The following REL variants were observed in gnomAD, a reference collection of about 807,000 sequenced individuals.
REL encodes proto-oncogene c-Rel.
REL carries 15 observed loss-of-function variants against 45.9 expected under a neutral mutation model. The observed-to-expected ratio is 0.33, with a 90% CI of 0.22 to 0.50. The LOEUF is 0.50. Among genes scored for constraint, REL ranks in the 20% least tolerant of loss-of-function variants. REL has a pLI of 0.98. For missense variants in REL, 601 were observed against 715.2 expected (o/e 0.84, Z 1.82); for synonymous variants, 239 against 242.1 (o/e 0.99, Z 0.12).
intron 1 of REL, among the ~76,000 whole-genome samples, 183 bp from the exon 2 acceptor site, chr2:60,891,500 A>T (rs1457883292): frequency 6.6e-6 from 1 of 152,162 alleles, no homozygotes; most frequent in Non-Finnish European, 1.5e-5. Context: ...ACTCAATTTG[A>T]ATGGGAAAAA....
chr2:60,919,187 C>G (rs1261811449), intron 7 of REL, among the ~76,000 whole-genome samples: 1 of 152,160 alleles, frequency 6.6e-6, no homozygotes, highest in Non-Finnish European at 1.5e-5. Context: ...CATTAGTTGA[C>G]ATTATTGACT....
At chr2:60,900,601 G>A (rs1220297408) in intron 3 of REL, 3 of 169,006 alleles carry the variant, frequency 1.8e-5, no homozygotes, top group Non-Finnish European at 3.8e-5. Flanking sequence ...TCGGCTTACC[G>A]CAACCTCTGC....
rs764825785 is a variant in REL at position 60,918,194 on chromosome 2, C to T, written c.539C>T (p.Ala180Val). The change falls in exon 6 of 10, where the codon GCT becomes GTT. Residue 180 changes from alanine (A) to valine (V), a missense_variant. Coordinates refer to ENST00000394479, the MANE Select transcript of REL (RefSeq NM_001291746.2). ...TTTGAAAATCCTTTATATTTAGGTG[C>T]TCCAAATACTGCAGAATTAAGGATT... ...VVSNPIYDNR[A>V]PNTAELRICR... The T allele has an allele frequency of 1.3e-6, 2 of 1,578,258 alleles. No individual in the cohort carries two copies. Among genetic ancestry groups the T allele is most frequent in the Non-Finnish European group, 1.7e-6 (2 of 1,156,672 alleles).
chr2:60,884,396 A>C (rs979286350), intron 1 of REL, among the ~76,000 whole-genome samples: 5 of 152,204 alleles, frequency 3.3e-5, no homozygotes, highest in African/African-American at 1.2e-4. Context: ...ATAAGTTAGC[A>C]GATTAATTAG....
intron 4 of REL, chr2:60,911,584 ACAAAT>A (rs1175068586): frequency 3.9e-5 from 6 of 152,228 alleles, no homozygotes; most frequent in Non-Finnish European, 5.9e-5. Context: ...GTATGTAGAA[ACAAAT>A]CAAAGAAATG....
At chr2:60,890,413 G>GCCCAGCTACTT (rs1558788552) in intron 1 of REL, among the ~76,000 whole-genome samples, 3 of 152,124 alleles carry the variant, frequency 2.0e-5, no homozygotes, top group African/African-American at 7.2e-5. Flanking sequence ...AGTAGCTGGG[G>GCCCAGCTACTT]TAGGATTCTA....
At chr2:60,886,887 T>C (rs573660151) in intron 1 of REL, among the ~76,000 whole-genome samples, 1 of 152,320 alleles carries the variant, frequency 6.6e-6, no homozygotes, top group African/African-American at 2.4e-5. Flanking sequence ...TATTCTGATG[T>C]ATATTAGCCT....
At position 60,922,438 on chromosome 2, in the gene REL, G is replaced by C; in HGVS notation, c.1667G>C (p.Ser556Thr). The change falls in exon 10 of 10, where the codon AGT becomes ACT. Residue 556 changes from serine (S) to threonine (T), a missense_variant. Physicochemically the swap from Ser to Thr is moderately conservative, Grantham distance 58. Transcript: ENST00000394479. ...SGPSNSTNPN[S>T]HGFVQDSQYS... ...CCATCAAACAGTACTAATCCAAACA[G>C]TCATGGTTTTGTTCAAGATAGTCAG... is the stretch of plus-strand genomic sequence containing the variant. The C allele has an allele frequency of 6.2e-7, 1 of 1,614,022 alleles. No individual in the cohort carries two copies. Among genetic ancestry groups the C allele is most frequent in the Admixed American group, 1.7e-5 (1 of 60,016 alleles).
rs757920905 is a variant in REL at position 60,922,545 on chromosome 2, T to C, written c.*10T>C. The C allele has an allele frequency of 1.9e-6, 3 of 1,571,580 alleles. No individual in the cohort carries two copies. Among genetic ancestry groups the C allele is most frequent in the Non-Finnish European group, 1.7e-6 (2 of 1,161,450 alleles). ...ATTTTTTCAAGTATAACTTGCAAGA[T>C]TTAAATCCTTTTAAATCTTGATACC... is the stretch of plus-strand genomic sequence containing the variant. On this transcript the variant is annotated 3_prime_UTR_variant, in exon 10 of 10. Transcript: ENST00000394479.
In REL at chr2:60,881,768, T is replaced by A. The variant is rs1672941914; in HGVS notation, c.-73T>A. ...CGCCGGCAGAGGTCCCTCGGCCTCC[T>A]GACTGACTGACTGCGGCCGCCTCCG... On this transcript the variant is annotated 5_prime_UTR_variant, in exon 1 of 10. Coordinates refer to ENST00000394479, the MANE Select transcript of REL (RefSeq NM_001291746.2). The A allele has an allele frequency of 1.4e-6, 2 of 1,428,156 alleles. No homozygotes were observed. The highest frequency in any genetic ancestry group is 2.5e-5 in the South Asian group (2 of 79,754). The allele number at this position is 1,428,156 out of a possible 1,614,324, so 88.5% of individuals were successfully genotyped here. A position where few individuals can be genotyped will look rare whatever the true frequency, so the allele number is the denominator to read the frequency against.
chr2:60,923,462 T>C lies in REL; in HGVS notation c.*927T>C, dbSNP rs938274635. 1 of 232,270 alleles carries C rather than the reference T, an allele frequency of 4.3e-6. No individual in the cohort carries two copies. Among genetic ancestry groups the C allele is most frequent in the African/African-American group, 2.2e-5 (1 of 45,308 alleles). The allele number at this position is 232,270 out of a possible 1,614,324, so 14.4% of individuals were successfully genotyped here. The stretch of plus-strand genomic sequence containing the variant: ...CTCCCTGTGATCTCATAAAACTGCC[T>C]ATTTGACATCTCTATCTAGAAATCT... On this transcript the variant is annotated 3_prime_UTR_variant, in exon 10 of 10. Coordinates refer to ENST00000394479, the MANE Select transcript of REL (RefSeq NM_001291746.2).
rs537454107 is a variant in REL at position 60,923,967 on chromosome 2, C to T, written c.*1432C>T. 1 of 233,232 alleles carries T rather than the reference C, an allele frequency of 4.3e-6. No homozygotes were observed. The highest frequency in any genetic ancestry group is 1.3e-3 in the Middle Eastern group (1 of 788). The allele number at this position is 233,232 out of a possible 1,614,324, so 14.4% of individuals were successfully genotyped here. ...TGCAGGCCTAGACTCCCTGTCCTACCTCAGGTACCACCATATCCCACCTCC... is the reference window on the plus strand; with the variant it reads ...TGCAGGCCTAGACTCCCTGTCCTACTTCAGGTACCACCATATCCCACCTCC... On this transcript the variant is annotated 3_prime_UTR_variant, in exon 10 of 10. Transcript: ENST00000394479.
At chr2:60,904,711 A>G (rs1309153209) in intron 4 of REL, among the ~76,000 whole-genome samples, 1 of 152,068 alleles carries the variant, frequency 6.6e-6, no homozygotes, top group Non-Finnish European at 1.5e-5. Flanking sequence ...CAACATGGTA[A>G]AACCCCATCT....
rs1335928649 is a variant in REL at position 60,923,076 on chromosome 2, T to A, written c.*541T>A. The A allele has an allele frequency of 3.4e-5, 6 of 177,346 alleles. No homozygotes were observed. The highest frequency in any genetic ancestry group is 9.5e-5 in the African/African-American group (4 of 42,232). The allele number at this position is 177,346 out of a possible 1,614,324, so 11.0% of individuals were successfully genotyped here. ...AAAAAACAAAAAAAACACACTTTTT[T>A]ATATTTCTTTTTATAATGTTTTAAT... On this transcript the variant is annotated 3_prime_UTR_variant, in exon 10 of 10. Coordinates refer to ENST00000394479, the MANE Select transcript of REL (RefSeq NM_001291746.2).
At chr2:60,887,314 G>A (rs915501357) in intron 1 of REL, among the ~76,000 whole-genome samples, 1 of 151,962 alleles carries the variant, frequency 6.6e-6, no homozygotes, top group Non-Finnish European at 1.5e-5. Flanking sequence ...TACCTATAAA[G>A]CACTATTTTT....
chr2:60,917,959 G>A (rs1458565759), intron 5 of REL, among the ~76,000 whole-genome samples: 2 of 151,972 alleles, frequency 1.3e-5, no homozygotes, highest in African/African-American at 4.8e-5. Context: ...TTAGAAGCAG[G>A]GAGATGTAAT....
At chr2:60,883,820 G>A (rs1673005771) in intron 1 of REL, among the ~76,000 whole-genome samples, 1 of 149,096 alleles carries the variant, frequency 6.7e-6, no homozygotes, top group Non-Finnish European at 1.5e-5. Context: ...AGTTTTAAAG[G>A]TTTAGAAGTT....
rs201986382 is a variant in REL, at chr2:60,894,571, C to T, written c.302+26C>T. Reference sequence around the variant, plus strand: ...GTAAGTACACAGTTACAGACATCTTCAGAAATAAGATAAGACATAGGATGT... The same window carrying T: ...GTAAGTACACAGTTACAGACATCTTTAGAAATAAGATAAGACATAGGATGT... On this transcript the variant is annotated intron_variant, in intron 3 of 9. Transcript: ENST00000394479. The T allele has an allele frequency of 5.1e-5, 77 of 1,520,748 alleles. No homozygotes were observed. The African/African-American group carries it at 9.4e-4, about 19-fold the overall frequency. 94.2% of individuals were successfully genotyped at this position (1,520,748 alleles called of 1,614,324 possible). A position where few individuals can be genotyped will look rare whatever the true frequency, so the allele number is the denominator to read the frequency against.
intron 2 of REL, among the ~76,000 whole-genome samples, chr2:60,892,944 A>G (rs894158656): frequency 4.6e-5 from 7 of 151,664 alleles, no homozygotes; most frequent in African/African-American, 1.2e-4. Context: ...TAGTAGAGAC[A>G]GGGTTTCACC....
Sources: gnomAD v4.1 joint callset for allele counts (sites outside exome capture counted in the v4.1 genomes callset) on GRCh38, gnomAD v4.1.1 for gene constraint, MANE v1.5 for transcripts, NCBI Gene and HGNC (gene_info 2026-07-23, HGNC 2026-07-21) for gene names.